CPNE8: variants seen among roughly 807,000 people sequenced by gnomAD.
CPNE8 encodes the protein copine-8.
A neutral mutation model predicts 81.5 loss-of-function variants in CPNE8; 45 were observed. The ratio of observed to expected loss-of-function variants is 0.55; its 90% confidence interval spans 0.44 to 0.71. CPNE8 has a LOEUF of 0.71. Among genes scored for constraint, CPNE8 ranks in the 30% least tolerant of loss-of-function variants. The pLI, the probability that CPNE8 is intolerant of heterozygous loss-of-function variation, is 0.00. For missense variants in CPNE8, 594 were observed against 672.1 expected (o/e 0.88, Z 1.28); for synonymous variants, 252 against 226.3 (o/e 1.11, Z -1.02).
At chr12:38,690,598 A>G (rs1014886120) in intron 15 of CPNE8, among the ~76,000 whole-genome samples, 1 of 152,172 alleles carries the variant, frequency 6.6e-6, no homozygotes, top group Non-Finnish European at 1.5e-5. Context: ...AAAAATATAT[A>G]TCATTCCTTA....
intron 13 of CPNE8, among the ~76,000 whole-genome samples, chr12:38,709,314 A>T (rs1007067167): frequency 6.6e-6 from 1 of 152,184 alleles, no homozygotes; most frequent in African/African-American, 2.4e-5. Flanking sequence ...TACCTGAATG[A>T]CAATGCAGAC....
intron 8 of CPNE8, among the ~76,000 whole-genome samples, chr12:38,766,449 C>T (rs1049553467): frequency 6.6e-6 from 1 of 152,116 alleles, no homozygotes; most frequent in African/African-American, 2.4e-5. Context: ...GATGCTATGA[C>T]ACTGACATTT....
intron 4 of CPNE8, among the ~76,000 whole-genome samples, chr12:38,843,735 T>A (rs1160386675): frequency 2.0e-5 from 3 of 152,134 alleles, no homozygotes; most frequent in Non-Finnish European, 1.5e-5. Flanking sequence ...ATGTGTCCTC[T>A]GAGGCTGATT....
At chr12:38,746,828 A>T (rs1941235758) in intron 10 of CPNE8, among the ~76,000 whole-genome samples, 1 of 152,198 alleles carries the variant, frequency 6.6e-6, no homozygotes, top group African/African-American at 2.4e-5. Flanking sequence ...CAGGAACTAG[A>T]ATCCTATATA....
At chr12:38,687,505 C>T (rs2136662502) in intron 15 of CPNE8, among the ~76,000 whole-genome samples, 1 of 151,656 alleles carries the variant, frequency 6.6e-6, no homozygotes, top group East Asian at 1.9e-4. Context: ...TCTCAGCCTC[C>T]CAAGTAGCTG....
intron 15 of CPNE8, among the ~76,000 whole-genome samples, chr12:38,693,318 A>T (rs984251025): frequency 1.3e-5 from 2 of 152,102 alleles, no homozygotes; most frequent in African/African-American, 4.8e-5. Context: ...GTCTCCCATT[A>T]TATTCTGCTT....
intron 3 of CPNE8, among the ~76,000 whole-genome samples, chr12:38,857,538 T>A (rs1353345277): frequency 2.6e-5 from 4 of 152,188 alleles, no homozygotes; most frequent in Non-Finnish European, 5.9e-5. Flanking sequence ...ATATTACCAC[T>A]TGGGGAAAGT....
At chr12:38,738,987 T>C (rs1193044618) in intron 10 of CPNE8, among the ~76,000 whole-genome samples, 4 of 151,844 alleles carry the variant, frequency 2.6e-5, no homozygotes, top group Non-Finnish European at 5.9e-5. Context: ...CTAATTTCTG[T>C]CTTTTCGTAG....
At chr12:38,677,422 C>A (rs769396457) in intron 17 of CPNE8, 30 bp downstream of exon 17, 22 of 1,185,674 alleles carry the variant, frequency 1.9e-5, no homozygotes, top group Non-Finnish European at 2.5e-5. Context: ...TGTCACGTAG[C>A]GAGCCCAATA....
intron 1 of CPNE8, among the ~76,000 whole-genome samples, chr12:38,892,595 T>C (rs1184905258): frequency 1.3e-5 from 2 of 152,146 alleles, no homozygotes; most frequent in African/African-American, 4.8e-5. Context: ...AGCATTATAA[T>C]GGTAGGGAAG....
intron 5 of CPNE8, among the ~76,000 whole-genome samples, chr12:38,833,181 C>T (rs1325509907): frequency 6.6e-6 from 1 of 151,470 alleles, no homozygotes; most frequent in Non-Finnish European, 1.5e-5. Context: ...GGTGAAACCC[C>T]ATCTCTACTA....
intron 5 of CPNE8, among the ~76,000 whole-genome samples, chr12:38,833,851 G>T (rs1055056728): frequency 2.6e-5 from 4 of 152,122 alleles, no homozygotes; most frequent in African/African-American, 9.7e-5. Flanking sequence ...AGTCCTTGCA[G>T]TTATCTATTC....
At chr12:38,896,954 G>C (rs901895693) in intron 1 of CPNE8, among the ~76,000 whole-genome samples, 2 of 152,080 alleles carry the variant, frequency 1.3e-5, no homozygotes, top group Non-Finnish European at 2.9e-5. Context: ...CTTTTCTTGT[G>C]ACAGGCTGGG....
chr12:38,877,329 G>GT (rs1457418595), intron 1 of CPNE8, among the ~76,000 whole-genome samples: 1 of 151,910 alleles, frequency 6.6e-6, no homozygotes, highest in African/African-American at 2.4e-5. Flanking sequence ...AAAAATCTTT[G>GT]TTTTTTATAT....
intron 3 of CPNE8, among the ~76,000 whole-genome samples, chr12:38,865,075 T>C (rs1943895691): frequency 6.6e-6 from 1 of 152,220 alleles, no homozygotes; most frequent in Non-Finnish European, 1.5e-5. Flanking sequence ...CTAAGGGTTC[T>C]GAACCATAGT....
chr12:38,847,748 G>A (rs1943581616), intron 4 of CPNE8, among the ~76,000 whole-genome samples: 1 of 152,054 alleles, frequency 6.6e-6, no homozygotes, highest in Non-Finnish European at 1.5e-5. Flanking sequence ...AGCAAATTAT[G>A]ACTTTTTCAA....
chr12:38,851,270 G>A (rs1035557555), intron 3 of CPNE8, among the ~76,000 whole-genome samples: 3 of 152,168 alleles, frequency 2.0e-5, no homozygotes, highest in African/African-American at 7.2e-5. Context: ...ACTCACTTCT[G>A]GGTATTCATG....
intron 10 of CPNE8, among the ~76,000 whole-genome samples, chr12:38,742,853 C>A (rs1941142316): frequency 6.6e-6 from 1 of 151,778 alleles, no homozygotes; most frequent in African/African-American, 2.4e-5. Context: ...GAGTTGTAAT[C>A]ATAGTATAAT....
At chr12:38,778,313 C>A (rs1165540244) in intron 6 of CPNE8, among the ~76,000 whole-genome samples, 2 of 152,050 alleles carry the variant, frequency 1.3e-5, no homozygotes, top group East Asian at 1.9e-4. Context: ...AATGAAATCA[C>A]CTAAGGAAGC....
Sources: gnomAD v4.1 joint callset for allele counts (sites outside exome capture counted in the v4.1 genomes callset) on GRCh38, gnomAD v4.1.1 for gene constraint, MANE v1.5 for transcripts, NCBI Gene and HGNC (gene_info 2026-07-23, HGNC 2026-07-21) for gene names.